The following UNC5D variants were observed in gnomAD, a reference collection of about 807,000 sequenced individuals.
The protein encoded by UNC5D is unc-5 netrin receptor D, also known as netrin receptor UNC5D.
In UNC5D, 39 loss-of-function variants were observed where a neutral mutation model predicts 105.4. That is an observed-to-expected ratio of 0.37 (90% CI 0.29 to 0.48). UNC5D has a LOEUF of 0.48. UNC5D is among the 20% of genes least tolerant of loss of function. The pLI, the probability that UNC5D is intolerant of heterozygous loss-of-function variation, is 0.98. For synonymous variants in UNC5D, 452 were observed against 450.4 expected (o/e 1.00, Z -0.04); for missense variants, 991 against 1,202.4 (o/e 0.82, Z 2.60).
chr8:35,381,776 T>C (rs1239667248), intron 1 of UNC5D, among the ~76,000 whole-genome samples: 1 of 152,194 alleles, frequency 6.6e-6, no homozygotes. Flanking sequence ...AAGCATAAAG[T>C]CTTTATCACA....
chr8:35,580,084 C>T (rs1405248428), intron 3 of UNC5D, among the ~76,000 whole-genome samples: 1 of 152,124 alleles, frequency 6.6e-6, no homozygotes, highest in Non-Finnish European at 1.5e-5. Context: ...AAGTTTTGGG[C>T]TCGCTAGGTT....
At chr8:35,496,852 T>C (rs978424941) in intron 1 of UNC5D, among the ~76,000 whole-genome samples, 1 of 152,184 alleles carries the variant, frequency 6.6e-6, no homozygotes, top group Non-Finnish European at 1.5e-5. Context: ...GGACATTTCA[T>C]ATAAATGGAA....
At chr8:35,769,747 A>G (rs1204172175) in intron 15 of UNC5D, among the ~76,000 whole-genome samples, 1 of 152,090 alleles carries the variant, frequency 6.6e-6, no homozygotes, top group Admixed American at 6.5e-5. Context: ...GGCGGATCAC[A>G]AGGTCAGGAG....
At chr8:35,602,369 G>A (rs1819948184) in intron 4 of UNC5D, among the ~76,000 whole-genome samples, 1 of 152,170 alleles carries the variant, frequency 6.6e-6, no homozygotes, top group Non-Finnish European at 1.5e-5. Context: ...GTTTCAGAAG[G>A]AATGGGACCA....
intron 1 of UNC5D, among the ~76,000 whole-genome samples, chr8:35,371,431 T>C (rs914675297): frequency 2.0e-5 from 3 of 152,142 alleles, no homozygotes; most frequent in Non-Finnish European, 4.4e-5. Context: ...TTGGTTTGTG[T>C]TGGGCTGAGA....
chr8:35,513,637 A>T (rs1349807121), intron 1 of UNC5D, among the ~76,000 whole-genome samples: 1 of 152,190 alleles, frequency 6.6e-6, no homozygotes, highest in African/African-American at 2.4e-5. Flanking sequence ...GTCATCTAAC[A>T]TACCATAGAC....
chr8:35,608,818 A>G (rs1820487099), intron 4 of UNC5D, among the ~76,000 whole-genome samples: 1 of 152,132 alleles, frequency 6.6e-6, no homozygotes, highest in Non-Finnish European at 1.5e-5. Flanking sequence ...AAATTCATTG[A>G]TGGACACTTA....
chr8:35,634,887 T>A (rs979625716), intron 4 of UNC5D, among the ~76,000 whole-genome samples: 1 of 152,058 alleles, frequency 6.6e-6, no homozygotes, highest in South Asian at 2.1e-4. Context: ...CTGCCTCAGC[T>A]CCTGAGTAGC....
chr8:35,262,623 G>A (rs1480725132), intron 1 of UNC5D, among the ~76,000 whole-genome samples: 1 of 152,168 alleles, frequency 6.6e-6, no homozygotes, highest in Non-Finnish European at 1.5e-5. Context: ...GAGAGCCAGA[G>A]GGAGCTAGTT....
At chr8:35,559,796 G>A (rs931919561) in intron 2 of UNC5D, among the ~76,000 whole-genome samples, 1 of 152,078 alleles carries the variant, frequency 6.6e-6, no homozygotes, top group Non-Finnish European at 1.5e-5. Flanking sequence ...CCTTCAATTA[G>A]TTTGAAAATC....
At chr8:35,604,821 T>A (rs1435413957) in intron 4 of UNC5D, among the ~76,000 whole-genome samples, 1 of 152,224 alleles carries the variant, frequency 6.6e-6, no homozygotes, top group Non-Finnish European at 1.5e-5. Flanking sequence ...TACCTTTTCT[T>A]CCAGTTGATC....
chr8:35,620,269 A>G (rs907674408), intron 4 of UNC5D, among the ~76,000 whole-genome samples: 4 of 152,206 alleles, frequency 2.6e-5, no homozygotes, highest in Admixed American at 2.6e-4. Context: ...GGCAGGTAGG[A>G]AACTCCGGCT....
chr8:35,412,436 G>A (rs1471339301), intron 1 of UNC5D, among the ~76,000 whole-genome samples: 2 of 151,398 alleles, frequency 1.3e-5, no homozygotes, highest in Non-Finnish European at 2.9e-5. Context: ...TGTTTCTGTT[G>A]CCTGGGCCCC....
chr8:35,578,155 G>C (rs1341615951), intron 3 of UNC5D, among the ~76,000 whole-genome samples: 2 of 149,236 alleles, frequency 1.3e-5, no homozygotes, highest in Non-Finnish European at 1.5e-5. Flanking sequence ...AACCCAGGAG[G>C]CTCAGGTTGC....
chr8:35,576,063 AG>A (rs1377684694), intron 3 of UNC5D, among the ~76,000 whole-genome samples: 5 of 152,090 alleles, frequency 3.3e-5, no homozygotes, highest in African/African-American at 1.2e-4. Context: ...GTTTACACAA[AG>A]GTACCACATA....
intron 1 of UNC5D, among the ~76,000 whole-genome samples, chr8:35,528,990 T>C (rs1449045102): frequency 2.2e-5 from 2 of 91,860 alleles, no homozygotes; most frequent in Non-Finnish European, 4.1e-5. Context: ...TTCTCCCATT[T>C]TGTAGGTTGC....
Position 35,507,496 on chromosome 8 carries a change from C to G in UNC5D, c.104-41796C>G, listed in dbSNP as rs146801781. On this transcript the variant is annotated intron_variant, in intron 1 of 16. Coordinates refer to ENST00000404895, the MANE Select transcript of UNC5D (RefSeq NM_080872.4). ...AAAGGTCCTAGAGGCAATGACAACA[C>G]AGCGTGGTGGATAGAGAAATTTTCG... is the stretch of plus-strand genomic sequence containing the variant. 9.9e-3 allele frequency among the ~76,000 whole-genome samples: 1,499 copies of G among 152,158 alleles called. 31 individuals are homozygous for G. The highest frequency in any genetic ancestry group is 0.034 in the African/African-American group (1,403 of 41,512).
Position 35,235,858 on chromosome 8 carries a change from T to A in UNC5D, c.74T>A (p.Phe25Tyr). The change falls in exon 1 of 17, where the codon TTC becomes TAC. Residue 25 changes from phenylalanine (F) to tyrosine (Y), a missense_variant. Physicochemically the swap from Phe to Tyr is conservative, Grantham distance 22. Around this residue, in one of 3 missense-constraint regions of UNC5D, gnomAD observed 944 missense variants for 1,131.6 expected, o/e 0.83. Transcript: ENST00000404895. ...TGGCTCCCGTGGCTGGGGCTGTGCTTCTGGGCGGCAGGGACCGCGGCTGCC... is the reference window on the plus strand; with the variant it reads ...TGGCTCCCGTGGCTGGGGCTGTGCTACTGGGCGGCAGGGACCGCGGCTGCC... ...RRWLPWLGLC[F>Y]WAAGTAAARG... is the part of the protein sequence containing the mutation. The A allele has an allele frequency of 8.1e-7, 1 of 1,230,144 alleles. No homozygotes were observed. The highest frequency in any genetic ancestry group is 1.0e-6 in the Non-Finnish European group (1 of 986,722). The allele number at this position is 1,230,144 out of a possible 1,614,324, so 76.2% of individuals were successfully genotyped here.
chr8:35,766,303 G>GTGTC (rs1265493352), intron 14 of UNC5D, among the ~76,000 whole-genome samples: 1 of 152,012 alleles, frequency 6.6e-6, no homozygotes, highest in Non-Finnish European at 1.5e-5. Flanking sequence ...GGCCCTGTAT[G>GTGTC]TGTCTGTCTG....
Sources: allele counts gnomAD v4.1 joint callset (sites outside exome capture counted in the v4.1 genomes callset), GRCh38; gene constraint gnomAD v4.1.1; regional missense constraint gnomAD v4.1.1; transcripts MANE v1.5; gene names NCBI Gene and HGNC (gene_info 2026-07-23, HGNC 2026-07-21).